PTPRD: variants seen among roughly 807,000 people sequenced by gnomAD.
The protein encoded by PTPRD is receptor-type tyrosine-protein phosphatase delta.
PTPRD carries 34 observed loss-of-function variants against 214.5 expected under a neutral mutation model. That is an observed-to-expected ratio of 0.16 (90% CI 0.12 to 0.21). PTPRD has a LOEUF of 0.21. PTPRD is among the 10% of genes least tolerant of loss of function. The pLI, the probability that PTPRD is intolerant of heterozygous loss-of-function variation, is 1.00. For synonymous variants in PTPRD, 1,128 were observed against 845.7 expected (o/e 1.33, Z -5.79); for missense variants, 2,545 against 2,398.7 (o/e 1.06, Z -1.27).
chr9:10,446,744 T>C (rs142611702), intron 2 of PTPRD, among the ~76,000 whole-genome samples: 2 of 152,246 alleles, frequency 1.3e-5, no homozygotes, highest in African/African-American at 4.8e-5. Flanking sequence ...CAGGAGACTT[T>C]TGCATATCAA....
At chr9:9,460,067 C>T (rs906030377) in intron 8 of PTPRD, among the ~76,000 whole-genome samples, 3 of 151,900 alleles carry the variant, frequency 2.0e-5, no homozygotes, top group Admixed American at 1.3e-4. Context: ...TGGTCTTTGA[C>T]AAAGCTGACA....
intron 8 of PTPRD, among the ~76,000 whole-genome samples, chr9:9,513,347 T>G (rs1227622886): frequency 6.6e-6 from 1 of 152,020 alleles, no homozygotes; most frequent in Non-Finnish European, 1.5e-5. Flanking sequence ...CATGTGTTGC[T>G]AAATTGATTA....
chr9:9,013,919 T>C (rs2099522343), intron 11 of PTPRD, among the ~76,000 whole-genome samples: 1 of 152,186 alleles, frequency 6.6e-6, no homozygotes, highest in South Asian at 2.1e-4. Context: ...AATGGATCTT[T>C]TGTTGGGTGC....
rs559708639 is a variant in PTPRD, at chr9:9,126,947, C to G, written c.-143+56357G>C. Among the ~76,000 whole-genome samples, 91 of 152,000 alleles carry G rather than the reference C, an allele frequency of 6.0e-4. 1 individual carries two copies. The highest frequency in any genetic ancestry group is 2.2e-3 in the African/African-American group (91 of 41,324). On this transcript the variant is annotated intron_variant, in intron 10 of 45. Transcript: ENST00000381196. ...AGCATCTAAGAGCACAAGGAACAAA[C>G]CCAGAACAGGATGCCATCCCATCGC...
intron 5 of PTPRD, among the ~76,000 whole-genome samples, chr9:9,865,552 C>T (rs1200104848): frequency 6.6e-6 from 1 of 152,160 alleles, no homozygotes; most frequent in Non-Finnish European, 1.5e-5. Context: ...CCTTAAATTT[C>T]CCAGCCTCCA....
At chr9:9,512,251 C>G (rs1432587324) in intron 8 of PTPRD, among the ~76,000 whole-genome samples, 1 of 151,826 alleles carries the variant, frequency 6.6e-6, no homozygotes, top group African/African-American at 2.4e-5. Flanking sequence ...AGTATGCAAG[C>G]TTTCTTCTGA....
At chr9:8,839,026 G>A (rs2097501642) in intron 11 of PTPRD, among the ~76,000 whole-genome samples, 1 of 152,064 alleles carries the variant, frequency 6.6e-6, no homozygotes, top group South Asian at 2.1e-4. Flanking sequence ...TCAGCACCTT[G>A]TAACGAACTG....
chr9:8,977,773 G>A lies in PTPRD; in HGVS notation c.-104+40924C>T, dbSNP rs547594907. 2.0e-5 allele frequency among the ~76,000 whole-genome samples: 3 copies of A among 151,838 alleles called. No individual in the cohort carries two copies. In the East Asian group the frequency reaches 5.9e-4, roughly 30 times the overall value. On this transcript the variant is annotated intron_variant, in intron 11 of 45. Transcript: ENST00000381196. ...AGGTGCCAAGGGCATATCTTGGAAG[G>A]AGACAGTAAAGAGAGTTTTAAATTA...
chr9:10,200,650 C>T (rs1564484921), intron 3 of PTPRD, among the ~76,000 whole-genome samples: 1 of 151,982 alleles, frequency 6.6e-6, no homozygotes. Flanking sequence ...ATCACAAAGA[C>T]ATATTCTCAA....
chr9:9,003,430 C>T (rs1250950248), intron 11 of PTPRD, among the ~76,000 whole-genome samples: 2 of 151,978 alleles, frequency 1.3e-5, no homozygotes, highest in African/African-American at 2.4e-5. Context: ...TGTGTTCTAC[C>T]CTCTCAAATG....
At chr9:10,105,331 C>CT (rs1391014180) in intron 3 of PTPRD, among the ~76,000 whole-genome samples, 2 of 151,690 alleles carry the variant, frequency 1.3e-5, no homozygotes, top group Non-Finnish European at 1.5e-5. Flanking sequence ...CACCTAGTTC[C>CT]TTTTATGGTA....
intron 9 of PTPRD, among the ~76,000 whole-genome samples, chr9:9,374,428 G>C (rs1199401051): frequency 6.6e-6 from 1 of 152,036 alleles, no homozygotes; most frequent in African/African-American, 2.4e-5. Flanking sequence ...ACTTATTTCT[G>C]GGAAAATTGA....
intron 32 of PTPRD, among the ~76,000 whole-genome samples, chr9:8,463,886 T>G (rs980812033): frequency 6.6e-6 from 1 of 151,926 alleles, no homozygotes; most frequent in African/African-American, 2.4e-5. Flanking sequence ...TACTGCAAAA[T>G]GACTCTAGCT....
Position 10,130,262 on chromosome 9 carries a change from G to A in PTPRD, c.-544-96472C>T, listed in dbSNP as rs142362109. Among the ~76,000 whole-genome samples the A allele has an allele frequency of 1.7e-3, 248 of 150,204 alleles. 1 individual carries two copies. The highest frequency in any genetic ancestry group is 5.7e-3 in the African/African-American group (234 of 40,800). ...GCTTATTCAACAACCATACAAATAC[G>A]TGAGCTTCCTACCTCAGTATCTATG... On this transcript the variant is annotated intron_variant, in intron 3 of 45. Coordinates refer to ENST00000381196, the MANE Select transcript of PTPRD (RefSeq NM_002839.4).
chr9:9,711,846 A>G (rs1312052335), intron 7 of PTPRD, among the ~76,000 whole-genome samples: 1 of 152,160 alleles, frequency 6.6e-6, no homozygotes, highest in Non-Finnish European at 1.5e-5. Context: ...CAGCCTCAAT[A>G]ATTAGACATG....
At chr9:8,410,644 T>C (rs1564616101) in intron 35 of PTPRD, among the ~76,000 whole-genome samples, 2 of 152,154 alleles carry the variant, frequency 1.3e-5, no homozygotes, top group Non-Finnish European at 2.9e-5. Flanking sequence ...ATAGAAAATG[T>C]ATAAATATAC....
At chr9:8,854,434 T>C (rs1276009030) in intron 11 of PTPRD, among the ~76,000 whole-genome samples, 1 of 152,236 alleles carries the variant, frequency 6.6e-6, no homozygotes, top group Non-Finnish European at 1.5e-5. Context: ...TTCTTAATTA[T>C]GCATAGAATC....
intron 7 of PTPRD, among the ~76,000 whole-genome samples, chr9:9,720,899 C>G (rs2154432483): frequency 6.6e-6 from 1 of 152,022 alleles, no homozygotes; most frequent in Non-Finnish European, 1.5e-5. Flanking sequence ...GGACATATAC[C>G]CCATGTTCTC....
intron 5 of PTPRD, among the ~76,000 whole-genome samples, chr9:9,858,347 C>T (rs944065049): frequency 1.1e-4 from 17 of 152,202 alleles, no homozygotes; most frequent in Admixed American, 5.2e-4. Flanking sequence ...ACACAAACAC[C>T]TTTCCAGAAA....
Sources: allele counts gnomAD v4.1 joint callset (sites outside exome capture counted in the v4.1 genomes callset), GRCh38; gene constraint gnomAD v4.1.1; transcripts MANE v1.5; gene names NCBI Gene and HGNC (gene_info 2026-07-23, HGNC 2026-07-21).